The following TSC1 variants were observed in gnomAD, a reference collection of about 807,000 sequenced individuals.
TSC1 encodes TSC complex subunit 1, also known as hamartin.
In TSC1, 20 loss-of-function variants were observed where a neutral mutation model predicts 124.3. The observed-to-expected ratio is 0.16, with a 90% confidence interval of 0.11 to 0.23. TSC1 has a LOEUF of 0.23. Among genes scored for constraint, TSC1 ranks in the 10% least tolerant of loss-of-function variants. The pLI is 1.00. For missense variants in TSC1, 1,124 were observed against 1,448.5 expected, an observed-to-expected ratio of 0.78 and a Z score of 3.64; for synonymous variants, 493 against 539.1, an observed-to-expected ratio of 0.91 and a Z score of 1.19.
At chr9:132,898,586 C>G (rs1315823583) in intron 20 of TSC1, among the ~76,000 whole-genome samples, 2 of 152,194 alleles carry the variant, frequency 1.3e-5, no homozygotes, top group African/African-American at 4.8e-5. Context: ...TCCAGCTGTG[C>G]TAAATGGCTC....
At chr9:132,919,127 C>T (rs1458773815) in intron 8 of TSC1, among the ~76,000 whole-genome samples, 1 of 152,180 alleles carries the variant, frequency 6.6e-6, no homozygotes, top group African/African-American at 2.4e-5. Context: ...CTAAAGACTG[C>T]AGTAACTGTA....
rs118203750 is a variant in TSC1 at position 132,896,440 on chromosome 9, C to T, written c.3290G>A (p.Arg1097His). 1.4e-5 allele frequency: 23 copies of T among 1,614,048 alleles called. No individual in the cohort carries two copies. The highest frequency in any genetic ancestry group is 1.6e-4 in the Middle Eastern group (1 of 6,084). Residue 1097 changes from arginine (R) to histidine (H), a missense_variant, in exon 23 of 23, where the codon CGT (arginine) becomes CAT (histidine). Physicochemically the swap from Arg to His is conservative, Grantham distance 29 (BLOSUM62 0). Coordinates refer to ENST00000298552, the MANE Select transcript of TSC1 (RefSeq NM_000368.5). This position sits in a 1 kb window ranked among gnomAD's most constrained non-coding sequence, Gnocchi z 4.5. ...FLGMKARELF[R>H]NKSESQCDED... ...ATCACACTGGCTCTCGCTCTTATTA[C>T]GAAATAACTCTCGAGCCTTCATACC...
intron 5 of TSC1, among the ~76,000 whole-genome samples, chr9:132,924,089 C>T (rs146676123): frequency 2.6e-4 from 39 of 152,174 alleles, no homozygotes; most frequent in African/African-American, 8.4e-4. Context: ...CCTTTCAGCA[C>T]GCCTACAGTT....
At position 132,901,515 on chromosome 9, in the gene TSC1, C is replaced by A. The variant is rs988107945; in HGVS notation, c.2502+74G>T. 2.2e-6 allele frequency: 3 copies of A among 1,369,112 alleles called. No homozygotes were observed. In the African/African-American group the frequency reaches 4.3e-5, roughly 19 times the overall value. The allele number at this position is 1,369,112 out of a possible 1,614,324, so 84.8% of individuals were successfully genotyped here. ...ACACAGACACTCAAGTAATCTATTT[C>A]TTTAACCTGTCTGAAGGAAGAATGT... On this transcript the variant is annotated intron_variant, in intron 19 of 22. Coordinates refer to ENST00000298552, the MANE Select transcript of TSC1 (RefSeq NM_000368.5).
Position 132,915,838 on chromosome 9 carries a change from G to A in TSC1, c.738-3381C>T, listed in dbSNP as rs142007837. ...ATATAAGGCAGCTTCCCTGAAGAGC[G>A]AGCCTTTCGATTTCAGGGCTGCCCC... On this transcript the variant is annotated intron_variant, in intron 8 of 22. Transcript: ENST00000298552. Among the ~76,000 whole-genome samples, 40 of 152,278 alleles carry A rather than the reference G, an allele frequency of 2.6e-4. 1 individual carries two copies. Among genetic ancestry groups the A allele is most frequent in the African/African-American group, 6.7e-4 (28 of 41,546 alleles).
intron 2 of TSC1, among the ~76,000 whole-genome samples, chr9:132,930,143 C>T (rs1349761275): frequency 6.6e-6 from 1 of 152,144 alleles, no homozygotes; most frequent in Non-Finnish European, 1.5e-5. Flanking sequence ...GCTAGAAATG[C>T]AATACCTGGG....
Position 132,896,774 on chromosome 9 carries a change from G to C in TSC1, c.2976-20C>G. 2 of 1,613,390 alleles carry C rather than the reference G, an allele frequency of 1.2e-6. No individual in the cohort carries two copies. Among genetic ancestry groups the C allele is most frequent in the Non-Finnish European group, 1.7e-6 (2 of 1,180,010 alleles). The stretch of plus-strand genomic sequence containing the variant: ...TCAAGCCTGTAAGAAAGCCGGGGAG[G>C]AAAAAAGGAGCTGGTGATTGGACTG... On this transcript the variant is annotated intron_variant, in intron 22 of 22. Coordinates refer to ENST00000298552, the MANE Select transcript of TSC1 (RefSeq NM_000368.5). The surrounding 1 kb of genome is among the most constrained non-coding windows in gnomAD (Gnocchi z 4.5).
At chr9:132,933,104 C>G (rs925638909) in intron 2 of TSC1, among the ~76,000 whole-genome samples, 1 of 152,232 alleles carries the variant, frequency 6.6e-6, no homozygotes, top group Non-Finnish European at 1.5e-5. Flanking sequence ...CTCGCTCCAT[C>G]ACTCAGGCTG....
chr9:132,893,229 T>C lies in TSC1; in HGVS notation c.*3006A>G, dbSNP rs1163933282. On this transcript the variant is annotated 3_prime_UTR_variant, in exon 23 of 23. Coordinates refer to ENST00000298552, the MANE Select transcript of TSC1 (RefSeq NM_000368.5). ...AACTCTGTGGACACACCTAGAGAGG[T>C]CACTGTCTGCCCACCTGCCTTAGTA... is the stretch of plus-strand genomic sequence containing the variant. The C allele has an allele frequency of 8.6e-6, 2 of 233,146 alleles. No individual in the cohort carries two copies. Among genetic ancestry groups the C allele is most frequent in the African/African-American group, 4.4e-5 (2 of 45,340 alleles). The allele number at this position is 233,146 out of a possible 1,614,324, so 14.4% of individuals were successfully genotyped here.
At chr9:132,944,679 C>T (rs539145535), upstream of TSC1, 17 of 398,878 alleles carry the variant, frequency 4.3e-5, no homozygotes, top group Non-Finnish European at 6.2e-5. Context: ...AAAAGAGTCC[C>T]CCTCCGGACC....
intron 2 of TSC1, among the ~76,000 whole-genome samples, chr9:132,934,704 CAG>C (rs1389651324): frequency 6.6e-6 from 1 of 152,244 alleles, no homozygotes; most frequent in Non-Finnish European, 1.5e-5. Flanking sequence ...TGCTGCTAAA[CAG>C]AGCTGAATTG....
At chr9:132,930,949 C>T (rs190375252) in intron 2 of TSC1, among the ~76,000 whole-genome samples, 62 of 152,194 alleles carry the variant, frequency 4.1e-4, no homozygotes, top group African/African-American at 1.4e-3. Context: ...AACCAAAAAG[C>T]GATTAGTATG....
intron 4 of TSC1, 31 bp from the exon 5 acceptor site, chr9:132,925,770 C>T (rs1169445441): frequency 6.2e-7 from 1 of 1,613,798 alleles, no homozygotes; most frequent in South Asian, 1.1e-5. Flanking sequence ...GGGCAGTCCT[C>T]ACATGAATGT....
At chr9:132,918,977 TG>T (rs2132099916) in intron 8 of TSC1, among the ~76,000 whole-genome samples, 2 of 152,356 alleles carry the variant, frequency 1.3e-5, no homozygotes, top group South Asian at 4.1e-4. Flanking sequence ...TATACAGTCA[TG>T]TGTCACTTAA....
rs1334795334 is a variant in TSC1 at position 132,903,570 on chromosome 9, G to A, written c.2208+81C>T. 6.2e-7 allele frequency: 1 copy of A among 1,605,080 alleles called. No homozygotes were observed. Among genetic ancestry groups the A allele is most frequent in the Admixed American group, 1.7e-5 (1 of 59,982 alleles). ...AGGACTGGGAACTCTGACCTCCTCG[G>A]CTGCTGTGCTTTATAAGCTATCATG... On this transcript the variant is annotated intron_variant, in intron 17 of 22. Transcript: ENST00000298552. The surrounding 1 kb of genome is among the most constrained non-coding windows in gnomAD (Gnocchi z 5.9).
Position 132,906,310 on chromosome 9 carries a change from C to G in TSC1, c.1439-171G>C. The G allele has an allele frequency of 3.9e-6, 3 of 763,054 alleles. No homozygotes were observed. Among genetic ancestry groups the G allele is most frequent in the Non-Finnish European group, 6.7e-6 (3 of 450,300 alleles). 47.3% of individuals were successfully genotyped at this position (763,054 alleles called of 1,614,324 possible). On this transcript the variant is annotated intron_variant, in intron 14 of 22. Coordinates refer to ENST00000298552, the MANE Select transcript of TSC1 (RefSeq NM_000368.5). This position sits in a 1 kb window ranked among gnomAD's most constrained non-coding sequence, Gnocchi z 4.1. ...CCTGTAATGCCAGAACTTTGGGAGGCTGAGGAGGGAGGATCACTTGAGCCC... is the reference window on the plus strand; with the variant it reads ...CCTGTAATGCCAGAACTTTGGGAGGGTGAGGAGGGAGGATCACTTGAGCCC...
chr9:132,905,476 T>C, intron 15 of TSC1, 105 bp downstream of exon 15: 7 of 1,527,302 alleles, frequency 4.6e-6, no homozygotes, highest in Non-Finnish European at 5.4e-6. Flanking sequence ...ACCAGCTGCC[T>C]CAAGGTGGGA....
At position 132,927,368 on chromosome 9, in the gene TSC1, C is replaced by A. The variant is rs1364006685; in HGVS notation, c.107-64G>T. The A allele has an allele frequency of 2.7e-6, 4 of 1,477,746 alleles. No homozygotes were observed. The East Asian group carries it at 9.2e-5, about 34-fold the overall frequency. The allele number at this position is 1,477,746 out of a possible 1,614,324, so 91.5% of individuals were successfully genotyped here. A position where few individuals can be genotyped will look rare whatever the true frequency, so the allele number is the denominator to read the frequency against. ...CTTAACATCCTAAATTTACCTTACACAGCTTCCTGTCACAAAATCCAGAAA... is the reference window on the plus strand; with the variant it reads ...CTTAACATCCTAAATTTACCTTACAAAGCTTCCTGTCACAAAATCCAGAAA... On this transcript the variant is annotated intron_variant, in intron 3 of 22. Transcript: ENST00000298552.
intron 20 of TSC1, chr9:132,898,870 G>C (rs973484316): frequency 6.6e-6 from 1 of 152,308 alleles, no homozygotes; most frequent in Non-Finnish European, 1.5e-5. Flanking sequence ...CACAGGACAG[G>C]CCTGGCCAAC....
Sources: gnomAD v4.1 joint callset for allele counts (sites outside exome capture counted in the v4.1 genomes callset) on GRCh38, gnomAD v4.1.1 for gene constraint, Gnocchi (gnomAD v3.1) non-coding constraint, MANE v1.5 for transcripts, NCBI Gene and HGNC (gene_info 2026-07-23, HGNC 2026-07-21) for gene names.